The following GPLD1 variants were observed in gnomAD, a reference collection of about 807,000 sequenced individuals.
GPLD1 encodes phosphatidylinositol-glycan-specific phospholipase D.
A neutral mutation model predicts 112.6 loss-of-function variants in GPLD1; 84 were observed. That is an observed-to-expected ratio of 0.75 (90% CI 0.63 to 0.89). The LOEUF is 0.89. Ranked by LOEUF, GPLD1 falls within the 40% of genes least tolerant of loss-of-function variation. GPLD1 has a pLI of 0.00. For synonymous variants in GPLD1, 386 were observed against 403.8 expected (o/e 0.96, Z 0.53); for missense variants, 1,044 against 1,051.5 (o/e 0.99, Z 0.10).
At chr6:24,424,162 G>A (rs763012578), downstream of GPLD1, 1 of 151,298 alleles carries the variant, frequency 6.6e-6, no homozygotes, top group African/African-American at 2.5e-5. Context: ...AACAGACTCT[G>A]TAAGTTTGAG....
rs1193248670 is a variant in GPLD1, at chr6:24,426,497, GTGGGTCTTAACCTCCACC to G, written c.*2517_*2534del. Among the ~76,000 whole-genome samples, 1 of 152,040 alleles carries G rather than the reference GTGGGTCTTAACCTCCACC, an allele frequency of 6.6e-6. No homozygotes were observed. The highest frequency in any genetic ancestry group is 6.6e-5 in the Admixed American group (1 of 15,252). On this transcript the variant is annotated 3_prime_UTR_variant, in exon 25 of 25. Transcript: ENST00000230036. ...AAACTTGAAGCTTGCTTCCATTTTT[GTGGGTCTTAACCTCCACC>G]TGGTGCTTGCTATTGGGTGTATTCA...
At chr6:24,492,728 A>C (rs144947583), upstream of GPLD1, among the ~76,000 whole-genome samples, 23 of 152,096 alleles carry the variant, frequency 1.5e-4, no homozygotes, top group East Asian at 4.5e-3. Context: ...GGCTGGAAGT[A>C]AGACAGGAGC....
upstream of GPLD1, among the ~76,000 whole-genome samples, chr6:24,491,337 A>G (rs1188519386): frequency 1.3e-5 from 2 of 152,160 alleles, no homozygotes; most frequent in Non-Finnish European, 2.9e-5. Context: ...GTTACAGGGG[A>G]AAAAAATACT....
At chr6:24,437,052 G>C (rs911293815) in intron 21 of GPLD1, 61 bp downstream of exon 21, 9 of 1,475,464 alleles carry the variant, frequency 6.1e-6, no homozygotes, top group Non-Finnish European at 6.6e-6. Context: ...ACCCAATTAG[G>C]GGACCCACCC....
intron 11 of GPLD1, 91 bp from the exon 12 acceptor site, chr6:24,460,490 G>A: frequency 1.5e-6 from 2 of 1,369,200 alleles, no homozygotes; most frequent in Non-Finnish European, 2.0e-6. Context: ...GTTAATCACA[G>A]GTTAAAAGAC....
At chr6:24,470,949 CACTT>C (rs1436802132) in intron 7 of GPLD1, among the ~76,000 whole-genome samples, 1 of 152,152 alleles carries the variant, frequency 6.6e-6, no homozygotes, top group East Asian at 1.9e-4. Flanking sequence ...ATTCAATAAA[CACTT>C]AATCAAAATT....
In GPLD1 at chr6:24,446,818, G is replaced by A; in HGVS notation, c.1820+20C>T. 1 of 1,610,554 alleles carries A rather than the reference G, an allele frequency of 6.2e-7. No individual in the cohort carries two copies. The highest frequency in any genetic ancestry group is 8.5e-7 in the Non-Finnish European group (1 of 1,178,312). ...CCTGCCCCTGTGTTCATGGTTCCCA[G>A]CCCCCAGCATCAGCCTCACCTGCTG... is the stretch of plus-strand genomic sequence containing the variant. On this transcript the variant is annotated intron_variant, in intron 18 of 24. Coordinates refer to ENST00000230036, the MANE Select transcript of GPLD1 (RefSeq NM_001503.4).
At chr6:24,487,268 T>C (rs963985116) in intron 1 of GPLD1, among the ~76,000 whole-genome samples, 2 of 152,140 alleles carry the variant, frequency 1.3e-5, no homozygotes, top group Non-Finnish European at 2.9e-5. Context: ...CTCAGGCCCC[T>C]TTATAAGAAA....
Position 24,475,250 on chromosome 6 carries a change from A to C in GPLD1, c.331-19T>G. ...CTGTGTCCTGCCAAACAAGCAAATTAGAGTCATGTGTGTTTGGGTGATTTT... is the reference window on the plus strand; with the variant it reads ...CTGTGTCCTGCCAAACAAGCAAATTCGAGTCATGTGTGTTTGGGTGATTTT... On this transcript the variant is annotated intron_variant, in intron 4 of 24. Transcript: ENST00000230036. The C allele has an allele frequency of 8.1e-7, 1 of 1,229,954 alleles. No individual in the cohort carries two copies. Among genetic ancestry groups the C allele is most frequent in the Non-Finnish European group, 1.2e-6 (1 of 829,212 alleles). 76.2% of individuals were successfully genotyped at this position (1,229,954 alleles called of 1,614,324 possible).
intron 3 of GPLD1, among the ~76,000 whole-genome samples, chr6:24,478,992 T>C (rs1304678607): frequency 1.3e-5 from 2 of 152,182 alleles, no homozygotes; most frequent in Non-Finnish European, 2.9e-5. Context: ...ACTGCCATTT[T>C]AAGTTCACCT....
chr6:24,488,834 G>A (rs375798381), intron 1 of GPLD1, among the ~76,000 whole-genome samples: 5 of 151,922 alleles, frequency 3.3e-5, no homozygotes, highest in African/African-American at 9.7e-5. Context: ...CCCTAAGGTC[G>A]GTGGCACTGG....
Position 24,434,837 on chromosome 6 carries a change from CA to C in GPLD1, c.2359-1449del, listed in dbSNP as rs747085341. 1.9e-3 allele frequency among the ~76,000 whole-genome samples: 123 copies of C among 65,460 alleles called. 2 individuals carry two copies. Among genetic ancestry groups the C allele is most frequent in the Admixed American group, 9.2e-3 (58 of 6,322 alleles). 42.9% of individuals were successfully genotyped at this position (65,460 alleles called of 152,430 possible). A position where few individuals can be genotyped will look rare whatever the true frequency, so the allele number is the denominator to read the frequency against. Reference sequence around the variant, plus strand: ...TGGGCGACAGAGCGAGACTCCGTCTCAAAAAAAAAAAAAAAAAAGACAGGGT... The same window carrying C: ...TGGGCGACAGAGCGAGACTCCGTCTCAAAAAAAAAAAAAAAAAGACAGGGT... On this transcript the variant is annotated intron_variant, in intron 22 of 24. Transcript: ENST00000230036.
intron 24 of GPLD1, among the ~76,000 whole-genome samples, chr6:24,432,001 A>C (rs1194850866): frequency 1.3e-5 from 2 of 152,114 alleles, no homozygotes; most frequent in Non-Finnish European, 2.9e-5. Flanking sequence ...ATAGCCAAAA[A>C]AAATGGGGGG....
chr6:24,467,116 A>G, intron 8 of GPLD1, 51 bp downstream of exon 8: 1 of 1,188,702 alleles, frequency 8.4e-7, no homozygotes, highest in Non-Finnish European at 1.3e-6. Context: ...AAACTGTGCA[A>G]AGGAAGTCAC....
intron 1 of GPLD1, among the ~76,000 whole-genome samples, chr6:24,486,895 A>T (rs942879056): frequency 1.3e-5 from 2 of 152,188 alleles, no homozygotes; most frequent in South Asian, 2.1e-4. Flanking sequence ...ACAATATAAC[A>T]CCTAACCTAT....
At chr6:24,484,240 C>T (rs1347514136) in intron 2 of GPLD1, among the ~76,000 whole-genome samples, 2 of 150,740 alleles carry the variant, frequency 1.3e-5, no homozygotes, top group African/African-American at 2.4e-5. Context: ...GAGATGAGGC[C>T]TTGCTCTGTC....
upstream of GPLD1, among the ~76,000 whole-genome samples, chr6:24,491,911 T>C (rs1764568646): frequency 6.6e-6 from 1 of 152,160 alleles, no homozygotes; most frequent in African/African-American, 2.4e-5. Context: ...TTGTATTACT[T>C]TGGTAACAAT....
intron 21 of GPLD1, 102 bp downstream of exon 21, chr6:24,437,011 G>C: frequency 4.8e-6 from 5 of 1,050,022 alleles, no homozygotes; most frequent in Non-Finnish European, 7.2e-6. Flanking sequence ...TGGGCCACTG[G>C]GCTGTCAATT....
intron 10 of GPLD1, 131 bp downstream of exon 10, chr6:24,466,549 G>A: frequency 1.4e-6 from 1 of 694,636 alleles, no homozygotes; most frequent in Non-Finnish European, 2.4e-6. Context: ...CTTTGAATAG[G>A]TTAGAAAAGC....
Sources: allele counts gnomAD v4.1 joint callset (sites outside exome capture counted in the v4.1 genomes callset), GRCh38; gene constraint gnomAD v4.1.1; transcripts MANE v1.5; gene names NCBI Gene and HGNC (gene_info 2026-07-23, HGNC 2026-07-21).